The following MEG3 variants were observed in gnomAD, a reference collection of about 807,000 sequenced individuals.
The protein encoded by MEG3 is Very putative protein from MEG3 locus.
rs1242492945 is a variant in MEG3, at chr14:100,845,919, A to G, written n.3121+386A>G. 6.4e-6 allele frequency: 1 copy of G among 155,458 alleles called. No individual in the cohort carries two copies. The highest frequency in any genetic ancestry group is 1.4e-5 in the Non-Finnish European group (1 of 69,934). The allele number at this position is 155,458 out of a possible 1,614,324, so 9.6% of individuals were successfully genotyped here. ...TGCCCTGTGAGCTGGGGGGCCCTTCAAAGGGCCAAGGAGAAAACGCAGGCC... is the reference window on the plus strand; with the variant it reads ...TGCCCTGTGAGCTGGGGGGCCCTTCGAAGGGCCAAGGAGAAAACGCAGGCC... On this transcript the variant is annotated intron_variant and non_coding_transcript_variant, in intron 3 of 3. Transcript: ENST00000398461. The surrounding 1 kb of genome is among the most constrained non-coding windows in gnomAD (Gnocchi z 5.2).
At chr14:100,841,325 C>T (rs952726972) in intron 2 of MEG3, among the ~76,000 whole-genome samples, 1 of 152,210 alleles carries the variant, frequency 6.6e-6, no homozygotes, top group Non-Finnish European at 1.5e-5. Context: ...ATGGGTGTGA[C>T]CTTGGCCCCT....
At chr14:100,855,794 G>T (rs1489330193), upstream of MEG3, 2 of 152,210 alleles carry the variant, frequency 1.3e-5, no homozygotes, top group African/African-American at 4.8e-5. Context: ...CTTGTGTGTC[G>T]GTGACAAGGC....
chr14:100,840,479 C>G (rs1016501777), intron 2 of MEG3, among the ~76,000 whole-genome samples: 3 of 147,302 alleles, frequency 2.0e-5, no homozygotes, highest in African/African-American at 7.6e-5. Context: ...GTGAATGCGC[C>G]CTTTCAATGG....
intron 3 of MEG3, chr14:100,850,960 A>G (rs1258358273): frequency 6.6e-6 from 1 of 152,374 alleles, no homozygotes; most frequent in Non-Finnish European, 1.5e-5. Flanking sequence ...AGTGGTCCCC[A>G]GGGAGGGTGG....
At chr14:100,836,663 C>T (rs1056606558) in intron 2 of MEG3, among the ~76,000 whole-genome samples, 2 of 151,934 alleles carry the variant, frequency 1.3e-5, no homozygotes, top group African/African-American at 4.8e-5. Flanking sequence ...GGGCACTTGC[C>T]CTGCCCACAC....
exon 2 of MEG3, chr14:100,860,788 C>G: frequency 2.2e-6 from 1 of 444,574 alleles, no homozygotes; most frequent in Non-Finnish European, 4.5e-6. Flanking sequence ...GAGACCCGCC[C>G]TCTGACTGAT....
intron 2 of MEG3, among the ~76,000 whole-genome samples, chr14:100,843,833 GTTTTTTTTTTTTT>G (rs11307044): frequency 4.2e-5 from 3 of 70,748 alleles, no homozygotes; most frequent in African/African-American, 1.3e-4. Flanking sequence ...CCCGGGACCT[GTTTTTTTTTTTTT>G]TTTTTTTTTT....
exon 1 of MEG3, chr14:100,857,634 T>C (rs1178098368): frequency 6.6e-6 from 1 of 152,138 alleles, no homozygotes; most frequent in Non-Finnish European, 1.5e-5. Flanking sequence ...AGTGATGGCT[T>C]TTTCCTTCCT....
At chr14:100,828,009 CG>C (rs1449685529) in intron 1 of MEG3, among the ~76,000 whole-genome samples, 8 of 152,098 alleles carry the variant, frequency 5.3e-5, no homozygotes, top group Non-Finnish European at 1.2e-4. Context: ...GCGCCTGGTG[CG>C]GGCGGGAGGC....
chr14:100,844,400 C>T (rs899197793), intron 2 of MEG3, among the ~76,000 whole-genome samples: 8 of 152,194 alleles, frequency 5.3e-5, no homozygotes, highest in Admixed American at 2.0e-4. Context: ...CTTTCTATGA[C>T]GCCTCCTCAC....
At chr14:100,828,122 C>T (rs2037296681) in intron 1 of MEG3, among the ~76,000 whole-genome samples, 1 of 152,026 alleles carries the variant, frequency 6.6e-6, no homozygotes, top group Admixed American at 6.5e-5. Context: ...CTGTGGAGCC[C>T]TTCCTAGCCT....
rs1316356784 is a variant in MEG3 at position 100,837,501 on chromosome 14, C to G, written n.3045+1201C>G. On this transcript the variant is annotated intron_variant and non_coding_transcript_variant, in intron 2 of 3. Transcript: ENST00000398461. The surrounding 1 kb of genome is among the most constrained non-coding windows in gnomAD (Gnocchi z 5.8). ...GACATTTATGGAGGCTTGAGGGGGC[C>G]CTAGCACTGTCCTTGGCCCAGATGC... Among the ~76,000 whole-genome samples, 1 of 152,096 alleles carries G rather than the reference C, an allele frequency of 6.6e-6. No individual in the cohort carries two copies. The highest frequency in any genetic ancestry group is 2.4e-5 in the African/African-American group (1 of 41,412).
intron 2 of MEG3, among the ~76,000 whole-genome samples, chr14:100,839,277 G>A (rs907307000): frequency 6.6e-6 from 1 of 152,180 alleles, no homozygotes; most frequent in Non-Finnish European, 1.5e-5. Flanking sequence ...GTCGCTGGGA[G>A]TGGCTTCTTT....
chr14:100,827,822 G>T (rs2037285332), intron 1 of MEG3, among the ~76,000 whole-genome samples: 1 of 152,220 alleles, frequency 6.6e-6, no homozygotes, highest in African/African-American at 2.4e-5. Context: ...GTGCCTGGAG[G>T]ACTGGGTCTT....
intron 3 of MEG3, chr14:100,847,575 T>C (rs1462245660): frequency 1.3e-5 from 2 of 152,364 alleles, no homozygotes; most frequent in African/African-American, 4.8e-5. Flanking sequence ...TTAAGGGCTA[T>C]GGCTGGTCCA....
intron 2 of MEG3, among the ~76,000 whole-genome samples, chr14:100,841,393 A>G (rs1335010941): frequency 1.3e-5 from 2 of 152,192 alleles, no homozygotes; most frequent in Admixed American, 6.5e-5. Context: ...GTGCAGGCCC[A>G]TGGTCGTCCG....
rs552285799 is a variant in MEG3 at position 100,845,041 on chromosome 14, C to T, written n.3046-417C>T. Among the ~76,000 whole-genome samples the T allele has an allele frequency of 4.6e-5, 7 of 152,300 alleles. No homozygotes were observed. The South Asian group carries it at 1.0e-3, about 23-fold the overall frequency. On this transcript the variant is annotated intron_variant and non_coding_transcript_variant, in intron 2 of 3. Transcript: ENST00000398461. The surrounding 1 kb of genome is among the most constrained non-coding windows in gnomAD (Gnocchi z 5.2). ...GTGGGCTGCCCTCCCGGCCACACCC[C>T]GCTTCCCTGGTCTCCTCCAGGGCCA...
rs943243479 is a variant in MEG3 at position 100,845,335 on chromosome 14, T to A, written n.3046-123T>A. 8.3e-6 allele frequency: 3 copies of A among 359,398 alleles called. No individual in the cohort carries two copies. Among genetic ancestry groups the A allele is most frequent in the African/African-American group, 6.4e-5 (3 of 46,736 alleles). The allele number at this position is 359,398 out of a possible 1,614,324, so 22.3% of individuals were successfully genotyped here. On this transcript the variant is annotated intron_variant and non_coding_transcript_variant, in intron 2 of 3. Coordinates refer to the MEG3 transcript ENST00000398461. The surrounding 1 kb of genome is among the most constrained non-coding windows in gnomAD (Gnocchi z 5.2). ...CTCCAATTCCACACTTGCTGGAGGT[T>A]GGGGAGTCTCTGCTCCAGGCCACCC...
At chr14:100,843,073 A>G (rs559887327) in intron 2 of MEG3, among the ~76,000 whole-genome samples, 1 of 152,168 alleles carries the variant, frequency 6.6e-6, no homozygotes, top group African/African-American at 2.4e-5. Context: ...CAAGGCACGA[A>G]TTTGCTGGGG....
Sources: allele counts gnomAD v4.1 joint callset (sites outside exome capture counted in the v4.1 genomes callset), GRCh38; gene constraint gnomAD v4.1.1; non-coding constraint Gnocchi (gnomAD v3.1); transcripts MANE v1.5; gene names NCBI Gene and HGNC (gene_info 2026-07-23, HGNC 2026-07-21).